The following COBLL1 variants were observed in gnomAD, a reference collection of about 807,000 sequenced individuals.
COBLL1 encodes cordon-bleu WH2 repeat protein like 1, also known as cordon-bleu protein-like 1.
A neutral mutation model predicts 94.8 loss-of-function variants in COBLL1; 50 were observed. The observed-to-expected ratio is 0.53, with a 90% CI of 0.42 to 0.67. The LOEUF is 0.67. Among genes scored for constraint, COBLL1 ranks in the 30% least tolerant of loss-of-function variants. The probability of loss-of-function intolerance (pLI) is 0.00; values close to 1 mark genes in which losing one functional copy is unlikely to be tolerated. For missense variants in COBLL1, 1,362 were observed against 1,348.7 expected (o/e 1.01, Z -0.15); for synonymous variants, 448 against 473.8 (o/e 0.95, Z 0.71).
intron 2 of COBLL1, among the ~76,000 whole-genome samples, chr2:164,818,775 T>C (rs1290242450): frequency 7.0e-6 from 1 of 141,974 alleles, no homozygotes; most frequent in Admixed American, 7.2e-5. Context: ...TAAACATATA[T>C]ATATATACAT....
At chr2:164,822,743 T>C (rs1024941295) in intron 2 of COBLL1, among the ~76,000 whole-genome samples, 7 of 67,872 alleles carry the variant, frequency 1.0e-4, no homozygotes, top group African/African-American at 6.9e-4. Context: ...TATATTATTA[T>C]TATTATTATT....
intron 2 of COBLL1, among the ~76,000 whole-genome samples, chr2:164,772,391 T>C (rs1250776354): frequency 1.3e-5 from 2 of 152,012 alleles, no homozygotes; most frequent in African/African-American, 2.4e-5. Flanking sequence ...CAGCCCTTGT[T>C]TAAAAAATAT....
intron 2 of COBLL1, among the ~76,000 whole-genome samples, chr2:164,772,971 C>T (rs943884721): frequency 4.1e-5 from 5 of 122,634 alleles, no homozygotes; most frequent in African/African-American, 7.0e-5. Context: ...TCCATGCTGA[C>T]GGAGTTAATA....
At chr2:164,775,025 G>A (rs1232663988) in intron 2 of COBLL1, among the ~76,000 whole-genome samples, 1 of 151,868 alleles carries the variant, frequency 6.6e-6, no homozygotes, top group African/African-American at 2.4e-5. Context: ...AGGTTAGCAC[G>A]GCAGTACATG....
At chr2:164,777,286 A>G (rs1688507453) in intron 2 of COBLL1, among the ~76,000 whole-genome samples, 1 of 152,046 alleles carries the variant, frequency 6.6e-6, no homozygotes, top group Non-Finnish European at 1.5e-5. Context: ...CCAATGTAAA[A>G]GAAATAATAT....
chr2:164,712,503 T>C (rs888470817), intron 7 of COBLL1, among the ~76,000 whole-genome samples: 1 of 152,092 alleles, frequency 6.6e-6, no homozygotes, highest in Non-Finnish European at 1.5e-5. Context: ...TATTAAATAG[T>C]ATAAAATATC....
chr2:164,713,516 G>T (rs997927906), intron 7 of COBLL1, among the ~76,000 whole-genome samples: 1 of 152,088 alleles, frequency 6.6e-6, no homozygotes, highest in Non-Finnish European at 1.5e-5. Context: ...ACAGTAACTT[G>T]TACCTTTTTG....
chr2:164,667,977 C>G (rs1184823293), intron 1 of COBLL1, among the ~76,000 whole-genome samples: 1 of 147,454 alleles, frequency 6.8e-6, no homozygotes, highest in Non-Finnish European at 1.5e-5. Flanking sequence ...TGGAGTCTCA[C>G]TCTATCGCCC....
At position 164,722,167 on chromosome 2, in the gene COBLL1, C is replaced by T. The variant is rs1275632726; in HGVS notation, c.904G>A (p.Ala302Thr). 2 of 1,614,108 alleles carry T rather than the reference C, an allele frequency of 1.2e-6. No homozygotes were observed. The highest frequency in any genetic ancestry group is 8.5e-7 in the Non-Finnish European group (1 of 1,179,988). The change falls in exon 7 of 14, where the codon GCA (alanine) becomes ACA (threonine). Residue 302 changes from alanine to threonine, a missense_variant. Physicochemically the swap from Ala to Thr is moderately conservative, Grantham distance 58. Transcript: ENST00000652658. ...AGGTCTTGGGGGACACTCTGAGATGCTGGCATCGGGGGCAGTGGAGCCCGC... is the reference window on the plus strand; with the variant it reads ...AGGTCTTGGGGGACACTCTGAGATGTTGGCATCGGGGGCAGTGGAGCCCGC... The part of the protein sequence containing the change: ...KRRAPLPPMP[A>T]SQSVPQDLAH...
At chr2:164,687,151 T>C (rs1450069572) in intron 13 of COBLL1, 2 of 355,486 alleles carry the variant, frequency 5.6e-6, no homozygotes, top group Non-Finnish European at 1.0e-5. Context: ...GCACTCTCTT[T>C]AGTATGCCTG....
intron 4 of COBLL1, 60 bp downstream of exon 4, chr2:164,729,854 T>C (rs981997116): frequency 2.8e-6 from 4 of 1,422,042 alleles, no homozygotes; most frequent in South Asian, 1.2e-5. Flanking sequence ...TTTATTTCAC[T>C]TACAATGAGC....
rs556505912 is a variant in COBLL1 at position 164,811,889 on chromosome 2, C to T, written c.41+29267G>A. On this transcript the variant is annotated intron_variant, in intron 2 of 13. Coordinates refer to ENST00000652658, the MANE Select transcript of COBLL1 (RefSeq NM_001365672.2). ...GAACTATCAACCTAAATTCATAATC[C>T]TCTGTGGTAGCATTTTTGCTGAGGT... Among the ~76,000 whole-genome samples, 7 of 151,956 alleles carry T rather than the reference C, an allele frequency of 4.6e-5. No individual in the cohort carries two copies. The East Asian group carries it at 7.7e-4, about 17-fold the overall frequency.
intron 7 of COBLL1, among the ~76,000 whole-genome samples, chr2:164,720,549 T>C (rs1013430783): frequency 6.6e-6 from 1 of 152,102 alleles, no homozygotes; most frequent in Non-Finnish European, 1.5e-5. Context: ...AGGTAGCTAC[T>C]CAAGAGTATA....
intron 2 of COBLL1, among the ~76,000 whole-genome samples, chr2:164,778,039 T>C (rs1688554638): frequency 6.6e-6 from 1 of 152,192 alleles, no homozygotes; most frequent in African/African-American, 2.4e-5. Flanking sequence ...TTCCTATGCA[T>C]AATGGCCAAG....
chr2:164,731,477 G>A (rs900519820), intron 3 of COBLL1, among the ~76,000 whole-genome samples: 2 of 152,136 alleles, frequency 1.3e-5, no homozygotes, highest in Admixed American at 1.3e-4. Flanking sequence ...TAGTCTCTGA[G>A]TCTTTCTTAA....
intron 2 of COBLL1, among the ~76,000 whole-genome samples, chr2:164,814,010 T>C (rs977018062): frequency 1.3e-5 from 2 of 152,212 alleles, no homozygotes; most frequent in African/African-American, 4.8e-5. Context: ...GACCCATGTC[T>C]GTGTAACAAG....
Position 164,685,962 on chromosome 2 carries a change from G to A in COBLL1, c.3371C>T (p.Ala1124Val), listed in dbSNP as rs765445747. ...GGGTAACATTTAATGGCCGTCCTGGGCATCAGGGGACATGGAATGGCTGAG... is the reference window on the plus strand; with the variant it reads ...GGGTAACATTTAATGGCCGTCCTGGACATCAGGGGACATGGAATGGCTGAG... ...SRLSHSMSPD[A>V]QDGH The change falls in exon 14 of 14, where the codon GCC becomes GTC. Residue 1124 changes from alanine (A) to valine (V), a missense_variant. By Grantham distance (64) the Ala-to-Val change is moderately conservative (BLOSUM62 0). Transcript: ENST00000652658. The A allele has an allele frequency of 1.9e-6, 3 of 1,605,832 alleles. No individual in the cohort carries two copies. Among genetic ancestry groups the A allele is most frequent in the Admixed American group, 1.7e-5 (1 of 59,560 alleles).
intron 2 of COBLL1, among the ~76,000 whole-genome samples, chr2:164,662,341 A>C (rs1198992389): frequency 6.6e-6 from 1 of 152,206 alleles, no homozygotes; most frequent in Non-Finnish European, 1.5e-5. Context: ...CTTGCTTCAC[A>C]CAAGAGATTT....
chr2:164,833,918 A>C (rs1181490335), intron 2 of COBLL1, among the ~76,000 whole-genome samples: 2 of 152,222 alleles, frequency 1.3e-5, no homozygotes, highest in East Asian at 3.8e-4. Context: ...TCTAAAGACT[A>C]GCCAATCTTT....
Sources: allele counts gnomAD v4.1 joint callset (sites outside exome capture counted in the v4.1 genomes callset), GRCh38; gene constraint gnomAD v4.1.1; transcripts MANE v1.5; gene names NCBI Gene and HGNC (gene_info 2026-07-23, HGNC 2026-07-21).